The following PCDHA6 variants were observed in gnomAD, a reference collection of about 807,000 sequenced individuals.
PCDHA6 encodes protocadherin alpha-6.
In PCDHA6, 55 loss-of-function variants were observed where a neutral mutation model predicts 60.3. That is an observed-to-expected ratio of 0.91 (90% CI 0.73 to 1.14). PCDHA6 has a LOEUF of 1.14. Ranked by LOEUF, PCDHA6 falls within the 50% of genes most tolerant of loss-of-function variation. The pLI is 0.00. For missense variants in PCDHA6, 1,327 were observed against 1,256.5 expected (o/e 1.06, Z -0.85); for synonymous variants, 652 against 557.9 (o/e 1.17, Z -2.38).
chr5:140,848,408 A>G, intron 1 of PCDHA6: 1 of 1,352,390 alleles, frequency 7.4e-7, no homozygotes, highest in East Asian at 2.3e-5. Context: ...ACGATGGCGA[A>G]CACAGCAGAA....
chr5:140,952,914 T>C (rs1020868857), intron 1 of PCDHA6, among the ~76,000 whole-genome samples: 1 of 151,982 alleles, frequency 6.6e-6, no homozygotes, highest in South Asian at 2.1e-4. Context: ...TCATCTTACA[T>C]GGCATGAGCA....
intron 1 of PCDHA6, chr5:140,876,824 A>G (rs1554168970): frequency 1.2e-6 from 2 of 1,614,116 alleles, no homozygotes; most frequent in Non-Finnish European, 1.7e-6. Context: ...GTGAACGACA[A>G]TGCGCCTGCG....
chr5:140,834,216 C>A, intron 1 of PCDHA6: 2 of 658,062 alleles, frequency 3.0e-6, no homozygotes, highest in South Asian at 2.3e-5. Flanking sequence ...CTTTCGTAAT[C>A]AGCAAAAGGA....
In PCDHA6 at chr5:140,936,286, A is replaced by G. The variant is rs73266055; in HGVS notation, c.2395-42663A>G. Among the ~76,000 whole-genome samples the G allele has an allele frequency of 3.3e-3, 501 of 152,358 alleles. 2 individuals are homozygous for G. The highest frequency in any genetic ancestry group is 0.012 in the African/African-American group (482 of 41,580). On this transcript the variant is annotated intron_variant, in intron 1 of 3. Transcript: ENST00000529310. ...AAGATATATTCCTGTGTTTTCTTCT[A>G]TAACATTGCTATCCAATAGAACTTT...
intron 1 of PCDHA6, chr5:140,870,462 G>A (rs181856615): frequency 6.4e-4 from 1,040 of 1,614,196 alleles, no homozygotes; most frequent in Non-Finnish European, 8.0e-4. Flanking sequence ...ATGCGCCTGC[G>A]TTCGCACAGC....
At chr5:140,834,488 C>G in intron 1 of PCDHA6, 1 of 1,614,154 alleles carries the variant, frequency 6.2e-7, no homozygotes. Flanking sequence ...ACTACTCGGT[C>G]CCCGAGGAGG....
intron 1 of PCDHA6, chr5:140,857,065 A>G (rs782608134): frequency 6.3e-7 from 1 of 1,594,864 alleles, no homozygotes; most frequent in Non-Finnish European, 8.6e-7. Flanking sequence ...TAGTGGAACT[A>G]CTGGATGAAA....
intron 1 of PCDHA6, chr5:140,870,203 T>C (rs782746068): frequency 5.0e-6 from 8 of 1,613,986 alleles, no homozygotes; most frequent in Non-Finnish European, 5.1e-6. Flanking sequence ...CCCAGCACGG[T>C]CATTGCCCTG....
intron 1 of PCDHA6, chr5:140,928,181 C>T (rs782130459): frequency 2.5e-6 from 4 of 1,614,186 alleles, no homozygotes; most frequent in Non-Finnish European, 3.4e-6. Flanking sequence ...ACCCGAAGGA[C>T]AATCACTGTG....
At chr5:140,916,323 C>G (rs1035282237) in intron 1 of PCDHA6, among the ~76,000 whole-genome samples, 2 of 152,210 alleles carry the variant, frequency 1.3e-5, no homozygotes. Flanking sequence ...ACAAAGTCCC[C>G]TTTACTTTTT....
chr5:140,850,863 T>C lies in PCDHA6; in HGVS notation c.2394+20378T>C, dbSNP rs2150500955. 38 of 1,592,804 alleles carry C rather than the reference T, an allele frequency of 2.4e-5. 2 individuals are homozygous for C. Among genetic ancestry groups the C allele is most frequent in the Non-Finnish European group, 3.2e-5 (37 of 1,163,928 alleles). On this transcript the variant is annotated intron_variant, in intron 1 of 3. Transcript: ENST00000529310. ...ATCTACAGAGCGAACGGGAGAACCC[T>C]CTGCTTCCTCAGATTCAACTGGGAA...
At position 140,858,127 on chromosome 5, in the gene PCDHA6, T is replaced by C. The variant is rs782220285; in HGVS notation, c.2394+27642T>C. 41 of 1,597,502 alleles carry C rather than the reference T, an allele frequency of 2.6e-5. 1 individual carries two copies. The highest frequency in any genetic ancestry group is 1.7e-4 in the Admixed American group (10 of 59,294). ...TGGCGCCCGAGGTGGCCCTGGTGGATGTCAACGTGTACCTGATCATCGCCA... is the reference window on the plus strand; with the variant it reads ...TGGCGCCCGAGGTGGCCCTGGTGGACGTCAACGTGTACCTGATCATCGCCA... On this transcript the variant is annotated intron_variant, in intron 1 of 3. Coordinates refer to ENST00000529310, the MANE Select transcript of PCDHA6 (RefSeq NM_018909.4).
chr5:140,998,066 C>T (rs1234368433), intron 3 of PCDHA6, among the ~76,000 whole-genome samples: 2 of 152,160 alleles, frequency 1.3e-5, no homozygotes, highest in East Asian at 1.9e-4. Flanking sequence ...CATCAACAGA[C>T]TTAGCCTCTG....
intron 1 of PCDHA6, chr5:140,928,860 G>A: frequency 1.2e-6 from 2 of 1,614,154 alleles, no homozygotes; most frequent in Non-Finnish European, 1.7e-6. Flanking sequence ...GTGTGCTGTT[G>A]AGCAACTCTG....
intron 1 of PCDHA6, chr5:140,850,217 C>T (rs2150473800): frequency 1.1e-5 from 17 of 1,593,592 alleles, no homozygotes; most frequent in Non-Finnish European, 1.5e-5. Flanking sequence ...GGGGCACTGA[C>T]GGCGCAGTGA....
intron 3 of PCDHA6, among the ~76,000 whole-genome samples, chr5:140,985,060 C>A (rs1377386395): frequency 6.6e-6 from 1 of 152,066 alleles, no homozygotes; most frequent in Admixed American, 6.5e-5. Flanking sequence ...GCCTCAGCCT[C>A]CTGAGTAGCT....
At chr5:140,869,022 C>G in intron 1 of PCDHA6, 1 of 1,525,610 alleles carries the variant, frequency 6.6e-7, no homozygotes, top group African/African-American at 1.4e-5. Flanking sequence ...CTTAAGAATT[C>G]AACGAGATTT....
At chr5:140,853,303 A>G in intron 1 of PCDHA6, 1 of 982,870 alleles carries the variant, frequency 1.0e-6, no homozygotes, top group Non-Finnish European at 1.2e-6. Flanking sequence ...AAGGGCTGTG[A>G]ACACCTTAGT....
chr5:140,835,575 G>C (rs1554135076), intron 1 of PCDHA6: 3 of 1,613,752 alleles, frequency 1.9e-6, no homozygotes, highest in Non-Finnish European at 2.5e-6. Flanking sequence ...CTTCAAGTTG[G>C]TGTCCACCTT....
Sources: gnomAD v4.1 joint callset for allele counts (sites outside exome capture counted in the v4.1 genomes callset) on GRCh38, gnomAD v4.1.1 for gene constraint, MANE v1.5 for transcripts, NCBI Gene and HGNC (gene_info 2026-07-23, HGNC 2026-07-21) for gene names.